The following TENM4 variants were observed in gnomAD, a reference collection of about 807,000 sequenced individuals.
TENM4 encodes teneurin-4.
TENM4 carries 82 observed loss-of-function variants against 243.3 expected under a neutral mutation model. That is an observed-to-expected ratio of 0.34 (90% CI 0.28 to 0.40). The LOEUF is 0.40. Among genes scored for constraint, TENM4 ranks in the 10% least tolerant of loss-of-function variants. The pLI, the probability that TENM4 is intolerant of heterozygous loss-of-function variation, is 1.00. For synonymous variants in TENM4, 1,412 were observed against 1,456.3 expected (o/e 0.97, Z 0.69); for missense variants, 3,138 against 3,673.3 (o/e 0.85, Z 3.77).
intron 6 of TENM4, among the ~76,000 whole-genome samples, chr11:78,956,116 G>A (rs1232618081): frequency 6.6e-6 from 1 of 152,120 alleles, no homozygotes; most frequent in Non-Finnish European, 1.5e-5. Flanking sequence ...GGGTGCTGGT[G>A]GAAAGAAGGA....
chr11:79,134,789 G>A lies in TENM4; in HGVS notation c.-66+13921C>T, dbSNP rs373101271. 6.6e-5 allele frequency among the ~76,000 whole-genome samples: 10 copies of A among 151,166 alleles called. 1 individual carries two copies. Among genetic ancestry groups the A allele is most frequent in the South Asian group, 6.3e-4 (3 of 4,752 alleles). ...CATGGTGCTGGGATAATTGGCTAGCGACATGTAGGAGAATGAAACTGGGTC... is the reference window on the plus strand; with the variant it reads ...CATGGTGCTGGGATAATTGGCTAGCAACATGTAGGAGAATGAAACTGGGTC... On this transcript the variant is annotated intron_variant, in intron 4 of 33. Transcript: ENST00000278550.
At chr11:79,203,626 A>G (rs1468867061) in intron 3 of TENM4, among the ~76,000 whole-genome samples, 2 of 152,268 alleles carry the variant, frequency 1.3e-5, no homozygotes, top group African/African-American at 2.4e-5. Context: ...AGACATCTGT[A>G]TCATGGGGGA....
intron 2 of TENM4, among the ~76,000 whole-genome samples, chr11:79,292,888 A>G (rs1856380592): frequency 6.6e-6 from 1 of 152,236 alleles, no homozygotes; most frequent in Admixed American, 6.5e-5. Context: ...TGCTTAGCAA[A>G]TAGCCATGTA....
intron 20 of TENM4, among the ~76,000 whole-genome samples, chr11:78,736,500 A>AG (rs1273524504): frequency 7.2e-6 from 1 of 138,362 alleles, no homozygotes; most frequent in Non-Finnish European, 1.5e-5. Flanking sequence ...GCATGTGAGT[A>AG]GGGGTGGGGG....
intron 4 of TENM4, among the ~76,000 whole-genome samples, chr11:79,108,182 A>G (rs1591288424): frequency 6.6e-6 from 1 of 152,216 alleles, no homozygotes; most frequent in East Asian, 1.9e-4. Flanking sequence ...ATTTAGTCCA[A>G]TGCAACTCTA....
At chr11:79,164,505 TAC>T (rs1338922103) in intron 3 of TENM4, among the ~76,000 whole-genome samples, 2 of 123,206 alleles carry the variant, frequency 1.6e-5, no homozygotes, top group African/African-American at 6.7e-5. Flanking sequence ...TGTATATATA[TAC>T]ACTATACATA....
At chr11:79,344,522 AC>A (rs1344578712) in intron 1 of TENM4, among the ~76,000 whole-genome samples, 1 of 152,128 alleles carries the variant, frequency 6.6e-6, no homozygotes, top group Non-Finnish European at 1.5e-5. Context: ...AGTACATGAC[AC>A]CCCCAGAAGG....
chr11:78,931,514 A>C (rs1189789899), intron 6 of TENM4, among the ~76,000 whole-genome samples: 1 of 152,244 alleles, frequency 6.6e-6, no homozygotes, highest in Non-Finnish European at 1.5e-5. Context: ...AAGTCAGTAA[A>C]TATTTACTTG....
At chr11:79,162,566 C>G (rs1373736300) in intron 3 of TENM4, among the ~76,000 whole-genome samples, 1 of 152,100 alleles carries the variant, frequency 6.6e-6, no homozygotes, top group Non-Finnish European at 1.5e-5. Context: ...GTATTATTTT[C>G]TAGCTCCACC....
At chr11:79,432,543 C>T (rs955621761) in intron 1 of TENM4, among the ~76,000 whole-genome samples, 1 of 152,144 alleles carries the variant, frequency 6.6e-6, no homozygotes, top group Non-Finnish European at 1.5e-5. Context: ...TTTTACCGAA[C>T]AGAAGATACT....
At chr11:78,800,563 T>C (rs1857260754) in intron 15 of TENM4, among the ~76,000 whole-genome samples, 1 of 152,158 alleles carries the variant, frequency 6.6e-6, no homozygotes, top group Non-Finnish European at 1.5e-5. Context: ...GGGATCTTCC[T>C]GGACAGAGCT....
intron 6 of TENM4, among the ~76,000 whole-genome samples, chr11:78,979,541 CAT>C (rs947804998): frequency 2.0e-5 from 3 of 151,986 alleles, no homozygotes; most frequent in African/African-American, 7.3e-5. Context: ...TGTGCATGCA[CAT>C]ATGTGTTGTA....
intron 4 of TENM4, among the ~76,000 whole-genome samples, chr11:79,131,246 G>A (rs1479978638): frequency 1.3e-5 from 2 of 152,124 alleles, no homozygotes; most frequent in Non-Finnish European, 2.9e-5. Context: ...CCAAAGTTAA[G>A]ACGAAGGAAA....
chr11:78,799,904 G>GAGAGAGC (rs1370676518), intron 15 of TENM4, among the ~76,000 whole-genome samples: 3 of 152,148 alleles, frequency 2.0e-5, no homozygotes, highest in African/African-American at 7.2e-5. Context: ...GACAAGACTG[G>GAGAGAGC]AGAGAGCTCA....
At chr11:79,383,342 G>A (rs185306392) in intron 1 of TENM4, among the ~76,000 whole-genome samples, 4 of 152,294 alleles carry the variant, frequency 2.6e-5, no homozygotes, top group African/African-American at 7.2e-5. Context: ...TTAGACCTGG[G>A]TGGTTTGGTT....
chr11:79,413,840 G>T (rs772949969), intron 1 of TENM4, among the ~76,000 whole-genome samples: 5 of 152,020 alleles, frequency 3.3e-5, no homozygotes, highest in Non-Finnish European at 7.4e-5. Context: ...GCATGCTAAA[G>T]TATGTAAAAA....
chr11:79,173,474 T>C lies in TENM4; in HGVS notation c.-162-24668A>G, dbSNP rs118140314. 4.3e-3 allele frequency among the ~76,000 whole-genome samples: 661 copies of C among 152,320 alleles called. 3 individuals are homozygous for C. Among genetic ancestry groups the C allele is most frequent in the Non-Finnish European group, 6.9e-3 (466 of 68,022 alleles). On this transcript the variant is annotated intron_variant, in intron 3 of 33. Coordinates refer to ENST00000278550, the MANE Select transcript of TENM4 (RefSeq NM_001098816.3). ...ATCCTCTGCCTCATCCAACGTGGCC[T>C]ATCACCAGGTGGGTCAGTCTGCCTA...
chr11:78,787,722 T>G (rs1856969646), intron 15 of TENM4, among the ~76,000 whole-genome samples: 2 of 152,148 alleles, frequency 1.3e-5, no homozygotes, highest in Admixed American at 6.6e-5. Flanking sequence ...GCTTCCTGCT[T>G]CCTCACCCCA....
intron 6 of TENM4, among the ~76,000 whole-genome samples, chr11:79,034,761 C>T (rs1340788526): frequency 6.6e-6 from 1 of 152,196 alleles, no homozygotes; most frequent in South Asian, 2.1e-4. Flanking sequence ...GACTGGCATA[C>T]GTGGACCATG....
Sources: gnomAD v4.1 joint callset for allele counts (sites outside exome capture counted in the v4.1 genomes callset) on GRCh38, gnomAD v4.1.1 for gene constraint, MANE v1.5 for transcripts, NCBI Gene and HGNC (gene_info 2026-07-23, HGNC 2026-07-21) for gene names.